KCNA6: variants seen among roughly 807,000 people sequenced by gnomAD.
The protein encoded by KCNA6 is human brain potassium channel-2.
KCNA6 carries 17 observed loss-of-function variants against 29.5 expected under a neutral mutation model. The observed-to-expected ratio is 0.58, with a 90% CI of 0.39 to 0.86. KCNA6 has a LOEUF of 0.86. KCNA6 is among the 40% of genes least tolerant of loss of function. The pLI is 0.00. For missense variants in KCNA6, 450 were observed against 703.4 expected, an observed-to-expected ratio of 0.64 and a Z score of 4.07; for synonymous variants, 296 against 304.7, an observed-to-expected ratio of 0.97 and a Z score of 0.30.
In KCNA6 at chr12:4,811,711, C is replaced by A; in HGVS notation, c.*80C>A. 1 of 1,501,716 alleles carries A rather than the reference C, an allele frequency of 6.7e-7. No individual in the cohort carries two copies. Among genetic ancestry groups the A allele is most frequent in the Non-Finnish European group, 9.0e-7 (1 of 1,110,372 alleles). 93.0% of individuals were successfully genotyped at this position (1,501,716 alleles called of 1,614,324 possible). On this transcript the variant is annotated 3_prime_UTR_variant, in exon 1 of 1. Coordinates refer to ENST00000280684, the Ensembl canonical transcript of KCNA6. This position sits in a 1 kb window ranked among gnomAD's most constrained non-coding sequence, Gnocchi z 7.1. ...TTCCTTCTCATTTCCACTACTCACT[C>A]TAGCTTCAGTTGACTTCTTGACTCT...
chr12:4,809,811 G>GGAAGCACA (rs1413908854), exon 1 of KCNA6: 2 of 474,306 alleles, frequency 4.2e-6, no homozygotes, highest in Non-Finnish European at 7.3e-6. Flanking sequence ...GCGGGTAACG[G>GGAAGCACA]GAAGCGCAGA....
In KCNA6 at chr12:4,811,622, G is replaced by A. The variant is rs1457334011; in HGVS notation, c.1581G>A (p.Thr527=). ...CCTATGCAGAGAAAAGAATGCTCACGGAGGTCTGACCCATGCAGGCAGGGC... is the reference window on the plus strand; with the variant it reads ...CCTATGCAGAGAAAAGAATGCTCACAGAGGTCTGACCCATGCAGGCAGGGC... Residue 527 remains threonine, a synonymous_variant, in exon 1 of 1, where the codon ACG becomes ACA. Transcript: ENST00000280684. The surrounding 1 kb of genome is among the most constrained non-coding windows in gnomAD (Gnocchi z 7.1). 2 of 1,613,438 alleles carry A rather than the reference G, an allele frequency of 1.2e-6. No individual in the cohort carries two copies. The highest frequency in any genetic ancestry group is 1.7e-6 in the Non-Finnish European group (2 of 1,179,542).
chr12:4,811,594 G>C lies in KCNA6; in HGVS notation c.1553G>C (p.Arg518Pro). ...CCCAGCTACCTTCCTACACCACATC[G>C]GGCCTATGCAGAGAAAAGAATGCTC... Residue 518 changes from arginine to proline, a missense_variant, in exon 1 of 1, where the codon CGG becomes CCG. Arg to Pro is a moderately radical substitution (Grantham distance 103, BLOSUM62 -2). Transcript: ENST00000280684. This position sits in a 1 kb window ranked among gnomAD's most constrained non-coding sequence, Gnocchi z 7.1. 1 of 1,614,116 alleles carries C rather than the reference G, an allele frequency of 6.2e-7. No individual in the cohort carries two copies. Among genetic ancestry groups the C allele is most frequent in the South Asian group, 1.1e-5 (1 of 91,084 alleles).
At chr12:4,827,152 C>T in the KCNA6 span, among the ~76,000 whole-genome samples, 6 of 137,492 alleles carry the variant, frequency 4.4e-5, no homozygotes, top group African/African-American at 1.7e-4. Flanking sequence ...CTCTCTCCCT[C>T]GTTCTTTCCT....
chr12:4,846,880 G>A, the KCNA6 span, among the ~76,000 whole-genome samples: 2 of 147,416 alleles, frequency 1.4e-5, no homozygotes, highest in African/African-American at 2.5e-5. Context: ...CTGGGTTCAC[G>A]CCATTCTCCT....
chr12:4,832,401 C>T, the KCNA6 span, among the ~76,000 whole-genome samples: 2 of 152,178 alleles, frequency 1.3e-5, no homozygotes, highest in Admixed American at 6.5e-5. Context: ...GGTGCAGGGA[C>T]GCACAGGTAG....
the KCNA6 span, among the ~76,000 whole-genome samples, chr12:4,831,479 C>T: frequency 6.6e-6 from 1 of 152,130 alleles, no homozygotes; most frequent in African/African-American, 2.4e-5. Flanking sequence ...AGGAAAAAAA[C>T]GTTCTGGTTC....
chr12:4,827,194 T>TTCCTTCC, the KCNA6 span, among the ~76,000 whole-genome samples: 88 of 54,868 alleles, frequency 1.6e-3, no homozygotes, highest in Middle Eastern at 8.1e-3. Context: ...CCCTCCTTCC[T>TTCCTTCC]TCCTTCCTTC....
At chr12:4,822,594 A>T in the KCNA6 span, among the ~76,000 whole-genome samples, 1 of 152,244 alleles carries the variant, frequency 6.6e-6, no homozygotes, top group African/African-American at 2.4e-5. Flanking sequence ...GTAATTCAGA[A>T]CTCCCAACCA....
At chr12:4,848,854 G>A in the KCNA6 span, among the ~76,000 whole-genome samples, 1 of 152,014 alleles carries the variant, frequency 6.6e-6, no homozygotes, top group Non-Finnish European at 1.5e-5. Context: ...AGTGGCTCAC[G>A]CCTGTAATCC....
At position 4,810,896 on chromosome 12, in the gene KCNA6, C is replaced by T. The variant is rs1025436941; in HGVS notation, c.855C>T (p.Cys285=). ...AGCTCCTGGTGCGCTTCTCCGCCTG[C>T]CCTAGCAAGCCGGCCTTCTTCCGGA... The change falls in exon 1 of 1, where the codon TGC becomes TGT. Residue 285 remains cysteine, a synonymous_variant. Transcript: ENST00000280684. This position sits in a 1 kb window ranked among gnomAD's most constrained non-coding sequence, Gnocchi z 7.5. The T allele has an allele frequency of 6.2e-7, 1 of 1,613,994 alleles. No homozygotes were observed. Among genetic ancestry groups the T allele is most frequent in the Admixed American group, 1.7e-5 (1 of 60,034 alleles).
chr12:4,820,591 A>ACACACACACACT, the KCNA6 span, among the ~76,000 whole-genome samples: 8 of 144,502 alleles, frequency 5.5e-5, no homozygotes, highest in African/African-American at 1.8e-4. Flanking sequence ...ACACACACAC[A>ACACACACACACT]CTCTTAAAAA....
chr12:4,831,324 A>G, the KCNA6 span, among the ~76,000 whole-genome samples: 5 of 152,182 alleles, frequency 3.3e-5, no homozygotes, highest in Admixed American at 2.0e-4. Flanking sequence ...AGAGGGCCCA[A>G]GAGTCCTTCA....
chr12:4,840,955 G>A, the KCNA6 span, among the ~76,000 whole-genome samples: 1 of 152,186 alleles, frequency 6.6e-6, no homozygotes, highest in Non-Finnish European at 1.5e-5. Flanking sequence ...ATTTAAGGAA[G>A]ACAACCTGAT....
At chr12:4,849,697 C>T in the KCNA6 span, among the ~76,000 whole-genome samples, 1 of 152,082 alleles carries the variant, frequency 6.6e-6, no homozygotes, top group Non-Finnish European at 1.5e-5. Context: ...TGTTATGGAC[C>T]TTTGGGCTTG....
downstream of KCNA6, among the ~76,000 whole-genome samples, chr12:4,817,838 T>TA (rs1441888064): frequency 6.6e-6 from 1 of 152,220 alleles, no homozygotes; most frequent in Non-Finnish European, 1.5e-5. Context: ...AGATACACTT[T>TA]ACCTCCTCCT....
the KCNA6 span, among the ~76,000 whole-genome samples, chr12:4,825,132 G>C: frequency 6.6e-6 from 1 of 152,198 alleles, no homozygotes; most frequent in Non-Finnish European, 1.5e-5. Context: ...CACATCTCCT[G>C]CTGCACTTTA....
At chr12:4,835,871 G>T in the KCNA6 span, among the ~76,000 whole-genome samples, 2 of 151,968 alleles carry the variant, frequency 1.3e-5, no homozygotes, top group African/African-American at 4.8e-5. Flanking sequence ...AAGCAAAGTG[G>T]TGCCCTTAAG....
exon 1 of KCNA6, chr12:4,809,892 G>A (rs966952256): frequency 1.1e-6 from 1 of 875,182 alleles, no homozygotes; most frequent in Non-Finnish European, 1.7e-6. Flanking sequence ...AGGGCTCACG[G>A]ACCCAACGGC....
Sources: gnomAD v4.1 joint callset for allele counts (sites outside exome capture counted in the v4.1 genomes callset) on GRCh38, gnomAD v4.1.1 for gene constraint, Gnocchi (gnomAD v3.1) non-coding constraint, MANE v1.5 for transcripts, NCBI Gene and HGNC (gene_info 2026-07-23, HGNC 2026-07-21) for gene names.